Variants in ADGRL2 observed in about 807,000 individuals in gnomAD.
The protein encoded by ADGRL2 is calcium-independent alpha-latrotoxin receptor 2.
Under a neutral mutation model 157.4 loss-of-function variants are expected in ADGRL2, and 44 were observed. That is an observed-to-expected ratio of 0.28 (90% CI 0.22 to 0.36). ADGRL2 has a LOEUF of 0.36. ADGRL2 is among the 10% of genes least tolerant of loss of function. The pLI is 1.00. For synonymous variants in ADGRL2, 585 were observed against 624.7 expected (o/e 0.94, Z 0.95); for missense variants, 1,510 against 1,768.9 (o/e 0.85, Z 2.63).
intron 3 of ADGRL2, among the ~76,000 whole-genome samples, chr1:81,672,741 A>G (rs1306202654): frequency 6.6e-6 from 1 of 152,002 alleles, no homozygotes; most frequent in African/African-American, 2.4e-5. Context: ...TTTTAAGGAT[A>G]TATATATATT....
intron 1 of ADGRL2, among the ~76,000 whole-genome samples, chr1:81,323,098 T>G (rs1660642749): frequency 6.6e-6 from 1 of 152,158 alleles, no homozygotes; most frequent in African/African-American, 2.4e-5. Context: ...TCTCAAGTGA[T>G]CTACCCAACT....
intron 1 of ADGRL2, among the ~76,000 whole-genome samples, chr1:81,432,486 C>T (rs568894073): frequency 6.0e-4 from 92 of 152,186 alleles, no homozygotes; most frequent in Non-Finnish European, 1.1e-3. Flanking sequence ...TTTTATGCAA[C>T]ACTTGAACTT....
At chr1:81,939,483 A>G (rs115699835) in intron 4 of ADGRL2, among the ~76,000 whole-genome samples, 3,485 of 151,626 alleles carry the variant, frequency 0.023, 54 homozygotes, top group Non-Finnish European at 0.035. Flanking sequence ...AATTTTATTT[A>G]GTATGAAAAA....
At chr1:81,868,784 T>G (rs1352905189) in intron 2 of ADGRL2, among the ~76,000 whole-genome samples, 1 of 151,232 alleles carries the variant, frequency 6.6e-6, no homozygotes, top group Non-Finnish European at 1.5e-5. Flanking sequence ...ATTTTACATC[T>G]TTTTTGGGGG....
intron 1 of ADGRL2, among the ~76,000 whole-genome samples, chr1:81,743,233 A>T (rs2085129609): frequency 6.6e-6 from 1 of 152,026 alleles, no homozygotes. Context: ...TTAAAGAAGT[A>T]AAGAATGTAG....
chr1:81,963,194 C>G (rs74790217), intron 11 of ADGRL2, among the ~76,000 whole-genome samples: 1 of 151,734 alleles, frequency 6.6e-6, no homozygotes, highest in African/African-American at 2.4e-5. Context: ...AATAATATCA[C>G]TTTTAAAATT....
At chr1:81,363,994 G>C (rs879267790) in intron 1 of ADGRL2, among the ~76,000 whole-genome samples, 1 of 152,022 alleles carries the variant, frequency 6.6e-6, no homozygotes, top group African/African-American at 2.4e-5. Context: ...TTTTTTGTGG[G>C]CATTTAATAT....
chr1:81,535,635 A>T (rs1410799457), intron 2 of ADGRL2, among the ~76,000 whole-genome samples: 1 of 152,224 alleles, frequency 6.6e-6, no homozygotes, highest in African/African-American at 2.4e-5. Context: ...ACTGTACAGT[A>T]CACCATGTTT....
At chr1:81,985,215 G>T in intron 20 of ADGRL2, 44 bp from the exon 21 acceptor site, 1 of 1,165,952 alleles carries the variant, frequency 8.6e-7, no homozygotes, top group Non-Finnish European at 1.3e-6. Context: ...GTAAGTTTGG[G>T]GAAACTAACA....
chr1:81,915,254 T>C (rs769433324), intron 3 of ADGRL2, among the ~76,000 whole-genome samples: 42 of 152,130 alleles, frequency 2.8e-4, no homozygotes, highest in Admixed American at 9.2e-4. Flanking sequence ...TTTTGAAAAG[T>C]TTTTTTACAG....
intron 3 of ADGRL2, among the ~76,000 whole-genome samples, chr1:81,652,169 A>G (rs1570739827): frequency 6.6e-6 from 1 of 152,256 alleles, no homozygotes. Flanking sequence ...AAGAATATTT[A>G]GCAATTTCAG....
At chr1:81,712,057 G>A (rs1310665489) in intron 1 of ADGRL2, among the ~76,000 whole-genome samples, 2 of 152,156 alleles carry the variant, frequency 1.3e-5, no homozygotes, top group African/African-American at 4.8e-5. Flanking sequence ...CGAATCCTGT[G>A]CCTGGGACTA....
chr1:81,980,211 A>G (rs1411074809), intron 18 of ADGRL2, among the ~76,000 whole-genome samples: 1 of 151,708 alleles, frequency 6.6e-6, no homozygotes, highest in Non-Finnish European at 1.5e-5. Context: ...CACTGTAGCA[A>G]TTTCATTTGA....
In ADGRL2 at chr1:81,388,427, A is replaced by G. The variant is rs1037480988; in HGVS notation, c.-301-56609A>G. Among the ~76,000 whole-genome samples, 111 of 141,014 alleles carry G rather than the reference A, an allele frequency of 7.9e-4. 1 individual carries two copies. Among genetic ancestry groups the G allele is most frequent in the African/African-American group, 2.8e-3 (106 of 38,288 alleles). 92.5% of individuals were successfully genotyped at this position (141,014 alleles called of 152,430 possible). On this transcript the variant is annotated intron_variant, in intron 1 of 24. Coordinates refer to the ADGRL2 transcript ENST00000370721. ...TAGTGAAGGCTGCAAATCAGTAAAAATACCAGCCACAACTTTCATTTTTTC... is the reference window on the plus strand; with the variant it reads ...TAGTGAAGGCTGCAAATCAGTAAAAGTACCAGCCACAACTTTCATTTTTTC...
chr1:81,894,916 A>G (rs1349291746), intron 2 of ADGRL2, among the ~76,000 whole-genome samples: 1 of 152,156 alleles, frequency 6.6e-6, no homozygotes, highest in Non-Finnish European at 1.5e-5. Flanking sequence ...TTAAGTGGGT[A>G]AAAGGTTACA....
chr1:81,534,465 T>A (rs1273278676), intron 2 of ADGRL2, among the ~76,000 whole-genome samples: 1 of 152,154 alleles, frequency 6.6e-6, no homozygotes, highest in Non-Finnish European at 1.5e-5. Context: ...CCAGGCCTGA[T>A]TACAAGTTAT....
chr1:81,868,709 C>T (rs1351227715), intron 2 of ADGRL2, among the ~76,000 whole-genome samples: 1 of 152,108 alleles, frequency 6.6e-6, no homozygotes, highest in African/African-American at 2.4e-5. Context: ...AACATTCATA[C>T]CTACAAAACT....
Position 81,449,815 on chromosome 1 carries a change from T to C in ADGRL2, c.-248+4726T>C, listed in dbSNP as rs113523280. On this transcript the variant is annotated intron_variant, in intron 2 of 24. Transcript: ENST00000370721. ...CATGTTGCCCAGGCTGGTCTCAAAC[T>C]CCTGGGCTCAAGCCATCCTCCCATT... Among the ~76,000 whole-genome samples the C allele has an allele frequency of 6.4e-3, 979 of 152,302 alleles. 12 individuals are homozygous for C. Among genetic ancestry groups the C allele is most frequent in the African/African-American group, 0.022 (927 of 41,564 alleles).
intron 1 of ADGRL2, among the ~76,000 whole-genome samples, chr1:81,394,381 A>G (rs2076615786): frequency 6.6e-6 from 1 of 152,072 alleles, no homozygotes; most frequent in Middle Eastern, 3.2e-3. Flanking sequence ...TACCCTTCCC[A>G]GCCTCTGGTA....
Sources: allele counts gnomAD v4.1 joint callset (sites outside exome capture counted in the v4.1 genomes callset), GRCh38; gene constraint gnomAD v4.1.1; transcripts MANE v1.5; gene names NCBI Gene and HGNC (gene_info 2026-07-23, HGNC 2026-07-21).